Variants in TLK1 observed in about 807,000 individuals in gnomAD.
The protein encoded by TLK1 is serine/threonine-protein kinase tousled-like 1.
TLK1 carries 24 observed loss-of-function variants against 105.3 expected under a neutral mutation model. That is an observed-to-expected ratio of 0.23 (90% CI 0.17 to 0.32). TLK1 has a LOEUF of 0.32. Among genes scored for constraint, TLK1 ranks in the 10% least tolerant of loss-of-function variants. The probability of loss-of-function intolerance (pLI) is 1.00; values close to 1 mark genes in which losing one functional copy is unlikely to be tolerated. For missense variants in TLK1, 558 were observed against 910.5 expected, an observed-to-expected ratio of 0.61 and a Z score of 4.98; for synonymous variants, 321 against 310.4, an observed-to-expected ratio of 1.03 and a Z score of -0.36.
intron 1 of TLK1, among the ~76,000 whole-genome samples, chr2:171,127,014 G>A (rs991071737): frequency 3.3e-5 from 5 of 151,928 alleles, no homozygotes; most frequent in Admixed American, 1.3e-4. Context: ...GGTGGCTCAC[G>A]CCTGTAATCC....
Position 171,071,690 on chromosome 2 carries a change from T to C in TLK1, c.331-10534A>G, listed in dbSNP as rs186566213. On this transcript the variant is annotated intron_variant, in intron 3 of 20. Coordinates refer to ENST00000431350, the MANE Select transcript of TLK1 (RefSeq NM_012290.5). The stretch of plus-strand genomic sequence containing the variant: ...GGAGAGTTTCCCCAGTGTTTTCTTA[T>C]AGTAGTTTCACAGTTTGAGGTCTTT... Among the ~76,000 whole-genome samples, 41 of 152,342 alleles carry C rather than the reference T, an allele frequency of 2.7e-4. No homozygotes were observed. The East Asian group carries it at 4.0e-3, about 15-fold the overall frequency.
chr2:171,144,094 T>A (rs1341272665), intron 1 of TLK1, among the ~76,000 whole-genome samples: 1 of 152,098 alleles, frequency 6.6e-6, no homozygotes, highest in African/African-American at 2.4e-5. Context: ...AAGAGAAACA[T>A]TTTAAAACAA....
In TLK1 at chr2:171,174,441, T is replaced by C. The variant is rs1692783800; in HGVS notation, c.-5-56584A>G. 1.3e-5 allele frequency among the ~76,000 whole-genome samples: 2 copies of C among 152,232 alleles called. 1 individual carries two copies. Among genetic ancestry groups the C allele is most frequent in the South Asian group, 4.1e-4 (2 of 4,834 alleles). Reference sequence around the variant, plus strand: ...CATGGGGTACACTAATTCTCCTTCTTGTTTTTATCACTAACATTAAAACGG... The same window carrying C: ...CATGGGGTACACTAATTCTCCTTCTCGTTTTTATCACTAACATTAAAACGG... On this transcript the variant is annotated intron_variant, in intron 1 of 20. Transcript: ENST00000521943.
intron 11 of TLK1, among the ~76,000 whole-genome samples, chr2:171,037,812 C>G (rs894393626): frequency 3.9e-5 from 6 of 152,136 alleles, no homozygotes; most frequent in African/African-American, 9.7e-5. Flanking sequence ...TTGCCTGTAA[C>G]TGTCATTCTT....
chr2:171,015,015 C>T, intron 12 of TLK1, 67 bp from the exon 13 acceptor site: 1 of 1,222,334 alleles, frequency 8.2e-7, no homozygotes, highest in Non-Finnish European at 1.2e-6. Flanking sequence ...ATATTTTTAC[C>T]CATGCATCAA....
intron 1 of TLK1, among the ~76,000 whole-genome samples, chr2:171,156,831 T>A (rs144311199): frequency 5.9e-5 from 9 of 152,350 alleles, no homozygotes; most frequent in Non-Finnish European, 1.2e-4. Flanking sequence ...AATCGAACTA[T>A]CATGCCATCT....
At chr2:171,104,707 G>C (rs1294207350) in intron 2 of TLK1, among the ~76,000 whole-genome samples, 1 of 152,192 alleles carries the variant, frequency 6.6e-6, no homozygotes, top group Admixed American at 6.5e-5. Flanking sequence ...CTGGCCTCAA[G>C]TGATCCTCCC....
chr2:171,223,246 C>G (rs1693840061), intron 1 of TLK1, among the ~76,000 whole-genome samples: 1 of 152,188 alleles, frequency 6.6e-6, no homozygotes, highest in Non-Finnish European at 1.5e-5. Context: ...AGTGATTGTA[C>G]TAATTTACAT....
chr2:171,225,640 T>C (rs1693883882), intron 1 of TLK1, among the ~76,000 whole-genome samples: 1 of 152,058 alleles, frequency 6.6e-6, no homozygotes, highest in South Asian at 2.1e-4. Context: ...TGAAAATGTA[T>C]GTCCACAAAA....
chr2:171,227,567 C>CT (rs1693921038), intron 1 of TLK1, among the ~76,000 whole-genome samples: 1 of 36,120 alleles, frequency 2.8e-5, no homozygotes, highest in Non-Finnish European at 6.7e-5. Flanking sequence ...TAGTAAATCT[C>CT]CTTTTTTTTT....
At position 171,160,647 on chromosome 2, in the gene TLK1, G is replaced by C. The variant is rs926580193; in HGVS notation, c.-219C>G. The C allele has an allele frequency of 4.4e-6, 3 of 677,668 alleles. No homozygotes were observed. Among genetic ancestry groups the C allele is most frequent in the Non-Finnish European group, 4.6e-6 (2 of 438,370 alleles). 42.0% of individuals were successfully genotyped at this position (677,668 alleles called of 1,614,324 possible). A position where few individuals can be genotyped will look rare whatever the true frequency, so the allele number is the denominator to read the frequency against. ...AGGGGACAGGGAGGAGGGAAAGGGG[G>C]AGAAGCGAGGGAGCGAGCGGGCGCG... On this transcript the variant is annotated 5_prime_UTR_variant, in exon 1 of 21. Transcript: ENST00000431350. The surrounding 1 kb of genome is among the most constrained non-coding windows in gnomAD (Gnocchi z 4.4).
At chr2:171,057,350 A>G (rs1687549394) in intron 5 of TLK1, among the ~76,000 whole-genome samples, 1 of 151,952 alleles carries the variant, frequency 6.6e-6, no homozygotes, top group African/African-American at 2.4e-5. Flanking sequence ...CAACCTAGGG[A>G]TTTTGCCTTA....
At chr2:171,053,001 C>T (rs1054294640) in intron 8 of TLK1, among the ~76,000 whole-genome samples, 7 of 152,302 alleles carry the variant, frequency 4.6e-5, no homozygotes, top group African/African-American at 1.7e-4. Flanking sequence ...TTTCACCCTT[C>T]CCAACTGGTG....
intron 1 of TLK1, among the ~76,000 whole-genome samples, chr2:171,191,638 G>A (rs1448813093): frequency 3.3e-5 from 5 of 152,106 alleles, no homozygotes; most frequent in Admixed American, 3.3e-4. Context: ...AGAGGGCCTT[G>A]GGAGGAAGCA....
intron 1 of TLK1, chr2:171,155,914 A>G (rs912546101): frequency 2.6e-5 from 4 of 152,194 alleles, no homozygotes; most frequent in African/African-American, 9.7e-5. Flanking sequence ...ATTAAAATTA[A>G]CAGGTTTTTA....
chr2:171,225,035 C>T (rs1254606988), intron 1 of TLK1, among the ~76,000 whole-genome samples: 1 of 152,036 alleles, frequency 6.6e-6, no homozygotes, highest in Admixed American at 6.6e-5. Context: ...TAGACCCCTA[C>T]CTCACATCAT....
At chr2:171,054,923 C>T in intron 7 of TLK1, 160 bp downstream of exon 7, 2 of 406,332 alleles carry the variant, frequency 4.9e-6, no homozygotes, top group Non-Finnish European at 8.8e-6. Context: ...TTTCTCACTC[C>T]TTCCTACAAA....
At chr2:171,135,696 A>G (rs1422489853) in intron 1 of TLK1, among the ~76,000 whole-genome samples, 7 of 151,950 alleles carry the variant, frequency 4.6e-5, no homozygotes, top group Admixed American at 3.3e-4. Flanking sequence ...CAGCTACTCC[A>G]GAGGTTGGGG....
chr2:171,218,575 G>A (rs770604835), intron 1 of TLK1, among the ~76,000 whole-genome samples: 3 of 152,068 alleles, frequency 2.0e-5, no homozygotes, highest in Non-Finnish European at 2.9e-5. Flanking sequence ...TTTATTTCTC[G>A]CAGTTTTGGG....
Sources: allele counts gnomAD v4.1 joint callset (sites outside exome capture counted in the v4.1 genomes callset), GRCh38; gene constraint gnomAD v4.1.1; non-coding constraint Gnocchi (gnomAD v3.1); transcripts MANE v1.5; gene names NCBI Gene and HGNC (gene_info 2026-07-23, HGNC 2026-07-21).